Variants in KNL1 observed in about 807,000 individuals in gnomAD.
KNL1 encodes the protein kinetochore scaffold 1.
KNL1 carries 66 observed loss-of-function variants against 201.3 expected under a neutral mutation model. The observed-to-expected ratio is 0.33, with a 90% confidence interval of 0.27 to 0.40. The LOEUF (loss-of-function observed/expected upper bound fraction) is 0.40, where lower values mean the gene tolerates loss of function less well. KNL1 is among the 10% of genes least tolerant of loss of function. KNL1 has a pLI of 1.00. For missense variants in KNL1, 2,815 were observed against 2,690.5 expected (o/e 1.05, Z -1.02); for synonymous variants, 895 against 899.2 (o/e 1.00, Z 0.08).
intron 7 of KNL1, among the ~76,000 whole-genome samples, chr15:40,614,526 C>T (rs897886736): frequency 1.3e-5 from 2 of 152,162 alleles, no homozygotes; most frequent in African/African-American, 4.8e-5. Flanking sequence ...AGCCACCACA[C>T]CCAGCCTATT....
At chr15:40,625,737 G>A (rs760231434) in intron 10 of KNL1, 97 bp downstream of exon 10, 3 of 888,056 alleles carry the variant, frequency 3.4e-6, no homozygotes, top group Non-Finnish European at 5.3e-6. Flanking sequence ...CTTAGTCTCG[G>A]GTAGGCAGAA....
chr15:40,660,708 C>A (rs1567024890), intron 25 of KNL1, among the ~76,000 whole-genome samples: 1 of 151,260 alleles, frequency 6.6e-6, no homozygotes, highest in Non-Finnish European at 1.5e-5. Flanking sequence ...ATGGCTCACG[C>A]CTTTAAGCCC....
At chr15:40,612,519 G>GT (rs1256560822) in intron 7 of KNL1, among the ~76,000 whole-genome samples, 5 of 151,810 alleles carry the variant, frequency 3.3e-5, no homozygotes, top group African/African-American at 1.2e-4. Flanking sequence ...TGCTGTTGTT[G>GT]TTGTTTGTTT....
intron 14 of KNL1, among the ~76,000 whole-genome samples, chr15:40,643,631 AACAGGGTGAG>A (rs1893298007): frequency 1.3e-5 from 2 of 152,206 alleles, no homozygotes; most frequent in Non-Finnish European, 1.5e-5. Flanking sequence ...GCAGCCTGGC[AACAGGGTGAG>A]ACTCCGTCTC....
Position 40,624,150 on chromosome 15 carries a change from T to C in KNL1, c.3886T>C (p.Cys1296Arg), listed in dbSNP as rs756406568. The change falls in exon 10 of 26, where the codon TGT becomes CGT. Residue 1296 changes from cysteine to arginine, a missense_variant. By Grantham distance (180) the Cys-to-Arg change is radical. Around this residue, in one of 3 missense-constraint regions of KNL1, gnomAD observed 2,464 missense variants for 2,291.7 expected, o/e 1.08. Transcript: ENST00000399668. Reference sequence around the variant, plus strand: ...TACAAGTAGTCATGCAACTGCTGTTTGTGGATCCAGTGATAATTATTCCTG... The same window carrying C: ...TACAAGTAGTCATGCAACTGCTGTTCGTGGATCCAGTGATAATTATTCCTG... ...DFTSSHATAVCGSSDNYSCLP... is the reference protein window; with the variant it reads ...DFTSSHATAVRGSSDNYSCLP... 6.2e-7 allele frequency: 1 copy of C among 1,614,050 alleles called. No individual in the cohort carries two copies. The highest frequency in any genetic ancestry group is 2.2e-5 in the East Asian group (1 of 44,880).
intron 13 of KNL1, among the ~76,000 whole-genome samples, 187 bp from the exon 14 acceptor site, chr15:40,640,725 A>G (rs1893202901): frequency 6.6e-6 from 1 of 152,244 alleles, no homozygotes; most frequent in Non-Finnish European, 1.5e-5. Flanking sequence ...TCTATGGGGA[A>G]AGGGACTTAG....
At chr15:40,597,661 G>A (rs909967748) in intron 1 of KNL1, among the ~76,000 whole-genome samples, 1 of 152,142 alleles carries the variant, frequency 6.6e-6, no homozygotes, top group African/African-American at 2.4e-5. Context: ...TGAGTCTGGA[G>A]TCTCCTATTT....
chr15:40,621,442 C>T lies in KNL1; in HGVS notation c.1178C>T (p.Ala393Val). ...ATTACCAGAAGTCATATTATGGGGG[C>T]AGAAACTCACATAGTCTCACAGACT... ...IHITRSHIMGAETHIVSQTCN... is the reference protein window; with the variant it reads ...IHITRSHIMGVETHIVSQTCN... Residue 393 changes from alanine to valine, a missense_variant, in exon 10 of 26, where the codon GCA becomes GTA. Physicochemically the swap from Ala to Val is moderately conservative, Grantham distance 64 (BLOSUM62 0). Around this residue, in one of 3 missense-constraint regions of KNL1, gnomAD observed 2,464 missense variants for 2,291.7 expected, o/e 1.08. Coordinates refer to ENST00000399668, the MANE Select transcript of KNL1 (RefSeq NM_144508.5). 1.2e-6 allele frequency: 2 copies of T among 1,613,772 alleles called. No individual in the cohort carries two copies. The highest frequency in any genetic ancestry group is 2.2e-5 in the East Asian group (1 of 44,868).
intron 1 of KNL1, among the ~76,000 whole-genome samples, chr15:40,602,480 CTTTTTTTTTTTTT>C (rs34192317): frequency 2.5e-5 from 2 of 79,134 alleles, no homozygotes; most frequent in Non-Finnish European, 4.6e-5. Flanking sequence ...TTTTTCCTTC[CTTTTTTTTTTTTT>C]TTTTTTTTTG....
intron 13 of KNL1, among the ~76,000 whole-genome samples, chr15:40,638,512 G>T (rs1481595610): frequency 2.0e-5 from 3 of 151,234 alleles, no homozygotes; most frequent in African/African-American, 7.3e-5. Flanking sequence ...TTTTTTTTGA[G>T]ATGGAGTCTT....
At position 40,650,560 on chromosome 15, in the gene KNL1, A is replaced by T; in HGVS notation, c.6189A>T (p.Lys2063Asn). ...TTTCCAAAGAATTGGAACAGCTGAA[A>T]ACTGAAGAAGAGGAGCTTCAAAGGT... ...RAAEKELEQLKTEEEELQRNL... is the reference protein window; with the variant it reads ...RAAEKELEQLNTEEEELQRNL... Residue 2063 changes from lysine to asparagine, a missense_variant, in exon 19 of 26, where the codon AAA becomes AAT. Transcript: ENST00000399668. 1 of 1,562,412 alleles carries T rather than the reference A, an allele frequency of 6.4e-7. No homozygotes were observed.
chr15:40,606,298 A>C (rs1891969337), intron 3 of KNL1, 95 bp from the exon 4 acceptor site: 1 of 724,630 alleles, frequency 1.4e-6, no homozygotes, highest in South Asian at 1.7e-5. Context: ...TTTTTAATGA[A>C]AATTTTAGCT....
Position 40,621,637 on chromosome 15 carries a change from A to C in KNL1, c.1373A>C (p.Asn458Thr). 1 of 1,612,608 alleles carries C rather than the reference A, an allele frequency of 6.2e-7. No individual in the cohort carries two copies. ...AAAAATTTGCTAAAGCATGACAGTA[A>C]TTATGCTAAAATGTATTGCAATCCA... ...EEKNLLKHDSNYAKMYCNPDA... is the reference protein window; with the variant it reads ...EEKNLLKHDSTYAKMYCNPDA... Residue 458 changes from asparagine to threonine, a missense_variant, in exon 10 of 26, where the codon AAT (asparagine) becomes ACT (threonine). Physicochemically the swap from Asn to Thr is moderately conservative, Grantham distance 65. This residue lies in a region of KNL1 where 2,464 missense variants were observed against 2,291.7 expected (regional missense o/e 1.08). Coordinates refer to ENST00000399668, the MANE Select transcript of KNL1 (RefSeq NM_144508.5).
chr15:40,602,160 G>A (rs554791851), intron 1 of KNL1, among the ~76,000 whole-genome samples: 4 of 151,626 alleles, frequency 2.6e-5, no homozygotes, highest in African/African-American at 9.6e-5. Context: ...CTGATTAGCT[G>A]GGATTACAGG....
rs374388570 is a variant in KNL1 at position 40,620,675 on chromosome 15, T to A, written c.411T>A (p.His137Gln). The change falls in exon 10 of 26, where the codon CAT becomes CAA. Residue 137 changes from histidine (H) to glutamine (Q), a missense_variant. By Grantham distance (24) the His-to-Gln change is conservative. Around this residue, in one of 3 missense-constraint regions of KNL1, gnomAD observed 2,464 missense variants for 2,291.7 expected, o/e 1.08. Coordinates refer to ENST00000399668, the MANE Select transcript of KNL1 (RefSeq NM_144508.5). ...SIIEHTRERK[H>Q]ANDQTVIFSD... ...TAGAACATACCCGTGAAAGGAAACA[T>A]GCAAATGACCAGACAGTCATTTTTT... The A allele has an allele frequency of 4.4e-6, 7 of 1,593,790 alleles. No individual in the cohort carries two copies. The African/African-American group carries it at 8.2e-5, about 19-fold the overall frequency.
At chr15:40,605,725 C>T (rs1891950242) in intron 3 of KNL1, among the ~76,000 whole-genome samples, 2 of 152,182 alleles carry the variant, frequency 1.3e-5, no homozygotes, top group African/African-American at 4.8e-5. Context: ...GCTGAGATTA[C>T]AGGCGTGAGC....
chr15:40,621,879 G>A lies in KNL1; in HGVS notation c.1615G>A (p.Val539Ile), dbSNP rs370383967. The change falls in exon 10 of 26, where the codon GTT becomes ATT. Residue 539 changes from valine (V) to isoleucine (I), a missense_variant. By Grantham distance (29) the Val-to-Ile change is conservative. This residue lies in a region of KNL1 where 2,464 missense variants were observed against 2,291.7 expected (regional missense o/e 1.08). Transcript: ENST00000399668. ...GAAAATGAATGTAAATTGTAACTCA[G>A]TTCCTCATGTATCTAAGGAAAGAAT... is the stretch of plus-strand genomic sequence containing the variant. ...DGKMNVNCNSVPHVSKERIQQ... is the reference protein window; with the variant it reads ...DGKMNVNCNSIPHVSKERIQQ... 2 of 1,613,992 alleles carry A rather than the reference G, an allele frequency of 1.2e-6. No homozygotes were observed. The highest frequency in any genetic ancestry group is 1.7e-6 in the Non-Finnish European group (2 of 1,179,908).
chr15:40,654,572 T>TAA (rs1567022274), intron 21 of KNL1, among the ~76,000 whole-genome samples: 2 of 107,428 alleles, frequency 1.9e-5, no homozygotes, highest in African/African-American at 3.5e-5. Context: ...ATCAGGTAGT[T>TAA]TAAAAAAAAA....
Position 40,623,731 on chromosome 15 carries a change from T to C in KNL1, c.3467T>C (p.Leu1156Ser), listed in dbSNP as rs749827566. 1.2e-6 allele frequency: 2 copies of C among 1,613,934 alleles called. No homozygotes were observed. The highest frequency in any genetic ancestry group is 2.7e-5 in the African/African-American group (2 of 74,918). ...ATTAGGCCCATGGACAAAACCGTATTGTTCACAGATAATTACAGTGATCTG... is the reference window on the plus strand; with the variant it reads ...ATTAGGCCCATGGACAAAACCGTATCGTTCACAGATAATTACAGTGATCTG... Reference protein sequence around the residue: ...IAIRPMDKTVLFTDNYSDLEV... With the variant: ...IAIRPMDKTVSFTDNYSDLEV... Residue 1156 changes from leucine (L) to serine (S), a missense_variant, in exon 10 of 26, where the codon TTG becomes TCG. Physicochemically the swap from Leu to Ser is moderately radical, Grantham distance 145 (BLOSUM62 -2). Coordinates refer to ENST00000399668, the MANE Select transcript of KNL1 (RefSeq NM_144508.5).
Sources: gnomAD v4.1 joint callset for allele counts (sites outside exome capture counted in the v4.1 genomes callset) on GRCh38, gnomAD v4.1.1 for gene constraint, gnomAD v4.1.1 regional missense constraint, MANE v1.5 for transcripts, NCBI Gene and HGNC (gene_info 2026-07-23, HGNC 2026-07-21) for gene names.